TMEM120B: variants seen among roughly 807,000 people sequenced by gnomAD.
TMEM120B encodes the protein transmembrane protein 120B.
In TMEM120B, 31 loss-of-function variants were observed where a neutral mutation model predicts 55.5. That is an observed-to-expected ratio of 0.56 (90% confidence interval 0.42 to 0.75). TMEM120B has a LOEUF of 0.75. Among genes scored for constraint, TMEM120B ranks in the 30% least tolerant of loss-of-function variants. The probability of loss-of-function intolerance (pLI) is 0.00; values close to 1 mark genes in which losing one functional copy is unlikely to be tolerated. For synonymous variants in TMEM120B, 203 were observed against 176.3 expected, an observed-to-expected ratio of 1.15 and a Z score of -1.20; for missense variants, 399 against 425.5, an observed-to-expected ratio of 0.94 and a Z score of 0.55.
chr12:121,750,744 TCACACCC>T (rs1288742166), intron 4 of TMEM120B, among the ~76,000 whole-genome samples: 1 of 64,084 alleles, frequency 1.6e-5, no homozygotes, highest in African/African-American at 6.4e-5. Context: ...CACCCCATAC[TCACACCC>T]CACACTCCAC....
chr12:121,770,118 C>CCCGCCGAGTGTCCTAAG (rs1873989397), intron 6 of TMEM120B, among the ~76,000 whole-genome samples: 2 of 152,066 alleles, frequency 1.3e-5, no homozygotes, highest in African/African-American at 4.8e-5. Context: ...GGAAGTACCG[C>CCCGCCGAGTGTCCTAAG]CCGCCGAGTG....
Position 121,742,977 on chromosome 12 carries a change from C to G in TMEM120B, c.70-652C>G, listed in dbSNP as rs527684497. On this transcript the variant is annotated intron_variant, in intron 1 of 11. Transcript: ENST00000449592. ...CAGAGATAAGGGGTTGTTTCCCTGCCTGTGGTGGTATTTATTTGGAGGTAT... is the reference window on the plus strand; with the variant it reads ...CAGAGATAAGGGGTTGTTTCCCTGCGTGTGGTGGTATTTATTTGGAGGTAT... 3.3e-5 allele frequency among the ~76,000 whole-genome samples: 5 copies of G among 152,188 alleles called. No homozygotes were observed. In the South Asian group the frequency reaches 1.0e-3, roughly 32 times the overall value.
Position 121,775,073 on chromosome 12 carries a change from C to T in TMEM120B, c.849C>T (p.Leu283=). 1 of 1,610,998 alleles carries T rather than the reference C, an allele frequency of 6.2e-7. No homozygotes were observed. Among genetic ancestry groups the T allele is most frequent in the Non-Finnish European group, 8.5e-7 (1 of 1,179,562 alleles). Residue 283 remains leucine, a synonymous_variant, in exon 11 of 12, where the codon CTC becomes CTT. Coordinates refer to ENST00000449592, the MANE Select transcript of TMEM120B (RefSeq NM_001080825.2). This position sits in a 1 kb window ranked among gnomAD's most constrained non-coding sequence, Gnocchi z 4.3. ...PFLFCGHFWQ[L]YNAVTLFELS... is the part of the protein sequence containing the mutation. ...GCCTTCCTCTCCAGTTCTGGCAGCT[C>T]TACAATGCCGTCACGCTGTTTGAGC...
intron 1 of TMEM120B, among the ~76,000 whole-genome samples, chr12:121,718,568 G>T (rs1894742948): frequency 6.6e-6 from 1 of 152,108 alleles, no homozygotes; most frequent in African/African-American, 2.4e-5. Flanking sequence ...GGAGATTGAA[G>T]CTAAGAGATG....
At chr12:121,759,120 C>CTTTT in intron 5 of TMEM120B, 5 of 522,902 alleles carry the variant, frequency 9.6e-6, no homozygotes, top group Non-Finnish European at 8.8e-6. Context: ...AGAGTGTCTA[C>CTTTT]TGTTTTTTTT....
chr12:121,774,927 C>A (rs867197930), intron 10 of TMEM120B, 135 bp from the exon 11 acceptor site: 2 of 1,141,962 alleles, frequency 1.8e-6, no homozygotes, highest in African/African-American at 1.5e-5. Flanking sequence ...GCCTGCATTT[C>A]ATTTTGGGGG....
chr12:121,753,341 A>T (rs1873385675), intron 5 of TMEM120B, among the ~76,000 whole-genome samples: 1 of 152,120 alleles, frequency 6.6e-6, no homozygotes, highest in Non-Finnish European at 1.5e-5. Flanking sequence ...ACTGGGTACA[A>T]GGTTTTTTTT....
intron 1 of TMEM120B, among the ~76,000 whole-genome samples, chr12:121,714,530 G>A (rs933394634): frequency 2.7e-5 from 4 of 148,812 alleles, no homozygotes; most frequent in Non-Finnish European, 5.9e-5. Context: ...ACAGGCATGA[G>A]CCACTGTGCC....
In TMEM120B at chr12:121,750,401, C is replaced by T. The variant is rs1873238075; in HGVS notation, c.327C>T (p.Leu109=). 6 of 1,612,522 alleles carry T rather than the reference C, an allele frequency of 3.7e-6. No individual in the cohort carries two copies. Among genetic ancestry groups the T allele is most frequent in the South Asian group, 1.1e-5 (1 of 91,080 alleles). Residue 109 remains leucine (L), a synonymous_variant, in exon 4 of 12, where the codon CTC becomes CTT. Coordinates refer to ENST00000449592, the MANE Select transcript of TMEM120B (RefSeq NM_001080825.2). ...KKNGLYLNLV[L]GNVNVTLLSN... Reference sequence around the variant, plus strand: ...CCAGGCTCTACTTGAACCTGGTCCTCGGCAATGTGAACGTGACCCTCCTCA... The same window carrying T: ...CCAGGCTCTACTTGAACCTGGTCCTTGGCAATGTGAACGTGACCCTCCTCA...
intron 3 of TMEM120B, among the ~76,000 whole-genome samples, chr12:121,749,357 G>A (rs887993927): frequency 2.6e-5 from 4 of 152,164 alleles, no homozygotes; most frequent in Non-Finnish European, 5.9e-5. Context: ...CTTAACCTCA[G>A]TTGGGAATCT....
intron 1 of TMEM120B, among the ~76,000 whole-genome samples, chr12:121,724,792 A>G (rs185798797): frequency 6.6e-6 from 1 of 151,800 alleles, no homozygotes; most frequent in East Asian, 2.0e-4. Flanking sequence ...TTGTATTTTT[A>G]GTAGAGACGA....
chr12:121,743,979 G>T (rs1171657796), intron 2 of TMEM120B, among the ~76,000 whole-genome samples: 2 of 151,990 alleles, frequency 1.3e-5, no homozygotes, highest in Non-Finnish European at 2.9e-5. Flanking sequence ...CCCTTCACCA[G>T]CAGTGCCAGG....
chr12:121,723,287 C>G (rs1894831965), intron 1 of TMEM120B, among the ~76,000 whole-genome samples: 1 of 152,156 alleles, frequency 6.6e-6, no homozygotes, highest in South Asian at 2.1e-4. Flanking sequence ...CCCACCTCAG[C>G]CTCCTGAGTA....
chr12:121,724,536 T>G (rs1216499970), intron 1 of TMEM120B, among the ~76,000 whole-genome samples: 1 of 151,096 alleles, frequency 6.6e-6, no homozygotes, highest in East Asian at 1.9e-4. Context: ...TGTTATGTCT[T>G]TTTTTTTTCA....
At chr12:121,735,835 C>T (rs1280204347) in intron 1 of TMEM120B, among the ~76,000 whole-genome samples, 3 of 151,934 alleles carry the variant, frequency 2.0e-5, no homozygotes, top group Admixed American at 6.6e-5. Flanking sequence ...GGATTACAGG[C>T]GCATACCACC....
At chr12:121,731,735 A>G (rs1261856216) in intron 1 of TMEM120B, among the ~76,000 whole-genome samples, 1 of 152,242 alleles carries the variant, frequency 6.6e-6, no homozygotes, top group African/African-American at 2.4e-5. Flanking sequence ...CCACAGTATG[A>G]GTGTAATGCC....
chr12:121,758,744 A>G, intron 5 of TMEM120B: 1 of 978,380 alleles, frequency 1.0e-6, no homozygotes, highest in Non-Finnish European at 1.2e-6. Flanking sequence ...GTCACCATGG[A>G]GGAGGACGGC....
Position 121,781,004 on chromosome 12 carries a change from C to G in TMEM120B, c.*5282C>G. The G allele has an allele frequency of 6.2e-7, 1 of 1,613,520 alleles. No homozygotes were observed. The highest frequency in any genetic ancestry group is 8.5e-7 in the Non-Finnish European group (1 of 1,179,606). On this transcript the variant is annotated 3_prime_UTR_variant, in exon 12 of 12. Transcript: ENST00000449592. ...GGCAGAAATGCGTGACCTCAGGGAA[C>G]CACTGTGGAGGGAGGAGGCGGGATC... is the stretch of plus-strand genomic sequence containing the variant.
At chr12:121,750,482 G>A (rs376894599) in intron 4 of TMEM120B, 43 bp downstream of exon 4, 175 of 1,174,426 alleles carry the variant, frequency 1.5e-4, no homozygotes, top group East Asian at 1.3e-4. Context: ...ACCTCACACC[G>A]CCCCCACACC....
Sources: gnomAD v4.1 joint callset for allele counts (sites outside exome capture counted in the v4.1 genomes callset) on GRCh38, gnomAD v4.1.1 for gene constraint, Gnocchi (gnomAD v3.1) non-coding constraint, MANE v1.5 for transcripts, NCBI Gene and HGNC (gene_info 2026-07-23, HGNC 2026-07-21) for gene names.